Variants in SELENOI observed in about 807,000 individuals in gnomAD.
SELENOI encodes the protein ethanolaminephosphotransferase 1.
A neutral mutation model predicts 50.7 loss-of-function variants in SELENOI; 24 were observed. That is an observed-to-expected ratio of 0.47 (90% confidence interval 0.34 to 0.67). The LOEUF (loss-of-function observed/expected upper bound fraction) is 0.67. Among genes scored for constraint, SELENOI ranks in the 30% least tolerant of loss-of-function variants. The pLI is 0.01. For synonymous variants in SELENOI, 155 were observed against 170.2 expected (o/e 0.91, Z 0.70); for missense variants, 352 against 461.4 (o/e 0.76, Z 2.17).
At chr2:26,373,683 GC>G (rs1677506172) in intron 5 of SELENOI, 54 bp downstream of exon 5, 1 of 1,551,278 alleles carries the variant, frequency 6.4e-7, no homozygotes, top group Admixed American at 1.9e-5. Flanking sequence ...CTTTTGGAAA[GC>G]TTTTGTCATT....
intron 8 of SELENOI, 128 bp from the exon 9 acceptor site, chr2:26,386,226 T>TA: frequency 3.1e-6 from 3 of 953,334 alleles, no homozygotes; most frequent in Non-Finnish European, 3.1e-6. Flanking sequence ...CTTCTGAACT[T>TA]AGATAATGTA....
At chr2:26,371,850 G>A (rs1040998348) in intron 4 of SELENOI, among the ~76,000 whole-genome samples, 1 of 151,904 alleles carries the variant, frequency 6.6e-6, no homozygotes, top group African/African-American at 2.4e-5. Context: ...GGGAGACCAT[G>A]GGGAGAGGGA....
rs1469867120 is a variant in SELENOI, at chr2:26,389,067, T to C, written c.1158T>C (p.Asp386=). 30 of 1,586,722 alleles carry C rather than the reference T, an allele frequency of 1.9e-5. No individual in the cohort carries two copies. The highest frequency in any genetic ancestry group is 2.5e-5 in the Non-Finnish European group (29 of 1,165,218). The part of the protein sequence containing the change: ...YPFSLRKPNS[D]ULGMEEKNIG... The stretch of plus-strand genomic sequence containing the variant: ...TCTCATTGAGGAAACCAAACTCAGA[T>C]TGACTAGGAATGGAAGAAAAGAATA... The change falls in exon 10 of 10, where the codon GAT becomes GAC. Residue 386 remains aspartate (D), a synonymous_variant. Coordinates refer to ENST00000260585, the MANE Select transcript of SELENOI (RefSeq NM_033505.4).
intron 3 of SELENOI, among the ~76,000 whole-genome samples, chr2:26,365,897 G>A (rs1162461738): frequency 6.7e-6 from 1 of 149,652 alleles, no homozygotes; most frequent in Non-Finnish European, 1.5e-5. Context: ...TGCCTCCCAG[G>A]TTCAAGCGAT....
intron 6 of SELENOI, among the ~76,000 whole-genome samples, chr2:26,379,362 T>C (rs910840822): frequency 3.7e-4 from 56 of 152,332 alleles, no homozygotes; most frequent in African/African-American, 1.3e-3. Context: ...ATTTGGCCAA[T>C]AGAATTCTTA....
chr2:26,368,383 C>G (rs1219698810), intron 4 of SELENOI, among the ~76,000 whole-genome samples: 1 of 152,214 alleles, frequency 6.6e-6, no homozygotes, highest in Non-Finnish European at 1.5e-5. Context: ...TGGCTGTGAG[C>G]TCTGACTTTT....
At chr2:26,349,891 T>G (rs1364532414) in intron 1 of SELENOI, among the ~76,000 whole-genome samples, 1 of 136,658 alleles carries the variant, frequency 7.3e-6, no homozygotes, top group African/African-American at 2.8e-5. Flanking sequence ...GAGGATGGCT[T>G]GAGGATAGAA....
At chr2:26,347,640 T>G (rs1676827118) in intron 1 of SELENOI, among the ~76,000 whole-genome samples, 1 of 152,178 alleles carries the variant, frequency 6.6e-6, no homozygotes, top group Non-Finnish European at 1.5e-5. Flanking sequence ...TACCTCCTGT[T>G]TTGCCTTAAG....
At chr2:26,371,886 G>C (rs967572875) in intron 4 of SELENOI, among the ~76,000 whole-genome samples, 93 of 149,614 alleles carry the variant, frequency 6.2e-4, no homozygotes, top group African/African-American at 2.2e-3. Context: ...GAGACCATGG[G>C]GAGAGGGAGA....
rs1678002486 is a variant in SELENOI at position 26,392,903 on chromosome 2, A to T, written c.*3800A>T. On this transcript the variant is annotated 3_prime_UTR_variant, in exon 10 of 10. Transcript: ENST00000260585. ...CACCCTGTGGGTGAATAACTTTAGT[A>T]AGTTAGCTGCCAGCATTAGAACCTT... 1 of 152,214 alleles carries T rather than the reference A, an allele frequency of 6.6e-6. No individual in the cohort carries two copies. The highest frequency in any genetic ancestry group is 1.5e-5 in the Non-Finnish European group (1 of 68,040). 9.4% of individuals were successfully genotyped at this position (152,214 alleles called of 1,614,324 possible). A position where few individuals can be genotyped will look rare whatever the true frequency, so the allele number is the denominator to read the frequency against.
chr2:26,384,183 C>G (rs1677790505), intron 7 of SELENOI, among the ~76,000 whole-genome samples: 1 of 152,238 alleles, frequency 6.6e-6, no homozygotes, highest in African/African-American at 2.4e-5. Flanking sequence ...ACACTTCCCA[C>G]TTCATCCTTT....
chr2:26,374,299 C>A (rs1558418705), intron 5 of SELENOI, among the ~76,000 whole-genome samples: 1 of 152,034 alleles, frequency 6.6e-6, no homozygotes, highest in Non-Finnish European at 1.5e-5. Context: ...AGAGAGATTT[C>A]TTTTTTCTTA....
chr2:26,370,466 G>A (rs1392785323), intron 4 of SELENOI, among the ~76,000 whole-genome samples: 1 of 151,582 alleles, frequency 6.6e-6, no homozygotes, highest in Non-Finnish European at 1.5e-5. Context: ...CTCCCGGACG[G>A]GGCGGCTGGC....
intron 3 of SELENOI, among the ~76,000 whole-genome samples, chr2:26,365,771 A>G (rs1677273436): frequency 6.6e-6 from 1 of 150,614 alleles, no homozygotes; most frequent in Admixed American, 6.7e-5. Flanking sequence ...TAGTAGAAAA[A>G]TTTGGAGTTT....
chr2:26,354,205 T>A (rs981694990), intron 1 of SELENOI, among the ~76,000 whole-genome samples: 2 of 152,140 alleles, frequency 1.3e-5, no homozygotes, highest in African/African-American at 2.4e-5. Context: ...TTTCCCTGTT[T>A]CACCGAGACA....
chr2:26,369,212 C>G (rs1453391790), intron 4 of SELENOI, among the ~76,000 whole-genome samples: 1 of 152,172 alleles, frequency 6.6e-6, no homozygotes, highest in Non-Finnish European at 1.5e-5. Context: ...GCTTTCTCCT[C>G]ATTCCCTTGG....
chr2:26,373,089 A>C (rs1677492889), intron 4 of SELENOI, among the ~76,000 whole-genome samples: 1 of 152,106 alleles, frequency 6.6e-6, no homozygotes, highest in African/African-American at 2.4e-5. Context: ...GAGTTTTGCT[A>C]TGTTGCCCAG....
chr2:26,386,552 C>A lies in SELENOI; in HGVS notation c.1095+16C>A. 6.5e-7 allele frequency: 1 copy of A among 1,540,448 alleles called. No individual in the cohort carries two copies. The highest frequency in any genetic ancestry group is 2.0e-5 in the Admixed American group (1 of 50,318). On this transcript the variant is annotated intron_variant, in intron 9 of 9. Transcript: ENST00000260585. ...AGTACGAGTGGTGAGTAATCTACAG[C>A]AAAATGGGTTCAATTTGGGGCTTAT...
rs769583969 is a variant in SELENOI at position 26,375,085 on chromosome 2, G to A, written c.619G>A (p.Ala207Thr). 6.2e-7 allele frequency: 1 copy of A among 1,613,500 alleles called. No homozygotes were observed. Among genetic ancestry groups the A allele is most frequent in the African/African-American group, 1.3e-5 (1 of 75,014 alleles). ...AGTGACTGCAGTTGTGGGAGTTGAG[G>A]CCTGGTATGAACCTTTCCTGTTTAA... is the stretch of plus-strand genomic sequence containing the variant. ...YIVTAVVGVE[A>T]WYEPFLFNFL... The change falls in exon 6 of 10, where the codon GCC becomes ACC. Residue 207 changes from alanine to threonine, a missense_variant. Ala to Thr is a moderately conservative substitution (Grantham distance 58, BLOSUM62 0). Coordinates refer to ENST00000260585, the MANE Select transcript of SELENOI (RefSeq NM_033505.4).
Sources: allele counts gnomAD v4.1 joint callset (sites outside exome capture counted in the v4.1 genomes callset), GRCh38; gene constraint gnomAD v4.1.1; transcripts MANE v1.5; gene names NCBI Gene and HGNC (gene_info 2026-07-23, HGNC 2026-07-21).